Variants in RNLS observed in about 807,000 individuals in gnomAD.
RNLS encodes the protein renalase, FAD dependent amine oxidase, also known as renalase.
A neutral mutation model predicts 39.8 loss-of-function variants in RNLS; 39 were observed. That is an observed-to-expected ratio of 0.98 (90% CI 0.76 to 1.28). The LOEUF (loss-of-function observed/expected upper bound fraction) is 1.28. Ranked by LOEUF, RNLS falls within the 50% of genes most tolerant of loss-of-function variation. RNLS has a pLI of 0.00. For missense variants in RNLS, 410 were observed against 413.3 expected (o/e 0.99, Z 0.07); for synonymous variants, 147 against 150.7 (o/e 0.98, Z 0.18).
intron 4 of RNLS, among the ~76,000 whole-genome samples, chr10:88,512,111 T>C (rs1316978053): frequency 6.6e-6 from 1 of 152,200 alleles, no homozygotes; most frequent in African/African-American, 2.4e-5. Flanking sequence ...ATTTTGCTAG[T>C]AAATAACATA....
At position 88,362,569 on chromosome 10, in the gene RNLS, T is replaced by C; in HGVS notation, c.683A>G (p.Asn228Ser). 4 of 1,613,778 alleles carry C rather than the reference T, an allele frequency of 2.5e-6. No homozygotes were observed. Among genetic ancestry groups the C allele is most frequent in the Non-Finnish European group, 3.4e-6 (4 of 1,179,814 alleles). The change falls in exon 5 of 7, where the codon AAT (asparagine) becomes AGT (serine). Residue 228 changes from asparagine (N) to serine (S), a missense_variant. Asn to Ser is a conservative substitution (Grantham distance 46). Coordinates refer to ENST00000331772, the MANE Select transcript of RNLS (RefSeq NM_001031709.3). ...GTACTGACCTATATTGCGCTTCTTA[T>C]TATCAATGGAGACGAAGCGTATGCA... ...NPCIRFVSID[N>S]KKRNIESSEI...
Position 88,494,365 on chromosome 10 carries a change from C to T in RNLS, c.526+78538G>A, listed in dbSNP as rs1048776925. The stretch of plus-strand genomic sequence containing the variant: ...ACATTTTCTTCAGTCATGCCATGAA[C>T]AAGTCTCTCTTCTGGGCCAGTGGGG... On this transcript the variant is annotated intron_variant, in intron 4 of 6. Transcript: ENST00000331772. Among the ~76,000 whole-genome samples, 4 of 152,084 alleles carry T rather than the reference C, an allele frequency of 2.6e-5. No homozygotes were observed. The East Asian group carries it at 5.8e-4, about 22-fold the overall frequency.
chr10:88,398,020 T>G lies in RNLS; in HGVS notation c.527-35295A>C, dbSNP rs371175848. Among the ~76,000 whole-genome samples, 14 of 152,182 alleles carry G rather than the reference T, an allele frequency of 9.2e-5. No individual in the cohort carries two copies. The South Asian group carries it at 2.9e-3, about 31-fold the overall frequency. On this transcript the variant is annotated intron_variant, in intron 4 of 6. Transcript: ENST00000331772. ...TTTTGACAAATGGTTCTGGGGCAAC[T>G]GGATATCTACATAAAAAAGAATGAA...
At chr10:88,268,718 A>T in the RNLS span, among the ~76,000 whole-genome samples, 1 of 152,202 alleles carries the variant, frequency 6.6e-6, no homozygotes, top group Non-Finnish European at 1.5e-5. Context: ...GGACCCTGGC[A>T]GCTCTAGACT....
intron 4 of RNLS, among the ~76,000 whole-genome samples, chr10:88,410,383 T>C (rs1853580347): frequency 6.6e-6 from 1 of 152,112 alleles, no homozygotes. Context: ...TAAAACTTGA[T>C]TTTGGACCAT....
chr10:88,423,666 G>A (rs1009106967), intron 4 of RNLS, among the ~76,000 whole-genome samples: 1 of 152,176 alleles, frequency 6.6e-6, no homozygotes, highest in Non-Finnish European at 1.5e-5. Flanking sequence ...TTTATAAAAA[G>A]CTGACTATAT....
the RNLS span, among the ~76,000 whole-genome samples, chr10:88,201,973 A>G: frequency 5.3e-5 from 8 of 152,168 alleles, no homozygotes; most frequent in African/African-American, 1.9e-4. Flanking sequence ...GTGTTTTTAC[A>G]TGCTACTATA....
chr10:88,495,408 A>G (rs1845109372), intron 4 of RNLS, among the ~76,000 whole-genome samples: 1 of 152,150 alleles, frequency 6.6e-6, no homozygotes, highest in Admixed American at 6.6e-5. Flanking sequence ...CTTTGGGTCT[A>G]TAACTCTTAT....
Position 88,469,822 on chromosome 10 carries a change from C to CGTGTGT in RNLS, c.526+103075_526+103080dup, listed in dbSNP as rs199651876. Among the ~76,000 whole-genome samples, 1,125 of 138,188 alleles carry CGTGTGT rather than the reference C, an allele frequency of 8.1e-3. 13 individuals are homozygous for CGTGTGT. Among genetic ancestry groups the CGTGTGT allele is most frequent in the African/African-American group, 0.027 (954 of 35,786 alleles). The allele number at this position is 138,188 out of a possible 152,430, so 90.7% of individuals were successfully genotyped here. On this transcript the variant is annotated intron_variant, in intron 4 of 6. Transcript: ENST00000331772. Reference sequence around the variant, plus strand: ...ATGGGTCAATATTTTTATGTGTGTGCGTGTGTGTGTGTGTGTGTGTGTGTG... The same window carrying CGTGTGT: ...ATGGGTCAATATTTTTATGTGTGTGCGTGTGTGTGTGTGTGTGTGTGTGTGTGTGTG...
Position 88,583,154 on chromosome 10 carries a change from C to G in RNLS, c.37G>C (p.Gly13Arg). The change falls in exon 1 of 7, where the codon GGA (glycine) becomes CGA (arginine). Residue 13 changes from glycine to arginine, a missense_variant. Gly to Arg is a moderately radical substitution (Grantham distance 125). Transcript: ENST00000331772. ...CTCAGCAGCGCAGCGCACAAGCTTC[C>G]TGTCATCCCGGCGCCCACGATCAGC... is the stretch of plus-strand genomic sequence containing the variant. Reference protein sequence around the residue: ...QVLIVGAGMTGSLCAALLRRQ... With the variant: ...QVLIVGAGMTRSLCAALLRRQ... 4.3e-6 allele frequency: 7 copies of G among 1,614,062 alleles called. No individual in the cohort carries two copies. In the South Asian group the frequency reaches 7.7e-5, roughly 18 times the overall value.
At chr10:88,297,568 T>C (rs534630391) in intron 6 of RNLS, among the ~76,000 whole-genome samples, 1 of 152,316 alleles carries the variant, frequency 6.6e-6, no homozygotes, top group South Asian at 2.1e-4. Context: ...ATACTGCATG[T>C]TTCATATGAA....
intron 4 of RNLS, among the ~76,000 whole-genome samples, chr10:88,399,720 A>G (rs553689877): frequency 6.6e-6 from 1 of 152,174 alleles, no homozygotes; most frequent in East Asian, 1.9e-4. Flanking sequence ...CTGTGAATAC[A>G]TAAGGGTGAT....
At chr10:88,530,283 T>C (rs1295359750) in intron 4 of RNLS, among the ~76,000 whole-genome samples, 1 of 152,214 alleles carries the variant, frequency 6.6e-6, no homozygotes, top group Non-Finnish European at 1.5e-5. Flanking sequence ...TACCAAAGTA[T>C]CTGCAATAGA....
chr10:88,427,011 A>T (rs1407463379), intron 4 of RNLS, among the ~76,000 whole-genome samples: 1 of 152,072 alleles, frequency 6.6e-6, no homozygotes, highest in Non-Finnish European at 1.5e-5. Context: ...GTAACTAATA[A>T]AAACAGTATC....
the RNLS span, among the ~76,000 whole-genome samples, chr10:88,182,541 CA>C: frequency 6.6e-6 from 1 of 152,066 alleles, no homozygotes; most frequent in Non-Finnish European, 1.5e-5. Context: ...ATTCACTTTA[CA>C]AAAATACCCA....
intron 5 of RNLS, among the ~76,000 whole-genome samples, chr10:88,324,866 T>C (rs773101008): frequency 6.6e-6 from 1 of 152,220 alleles, no homozygotes; most frequent in Non-Finnish European, 1.5e-5. Flanking sequence ...ATTTGACTAC[T>C]CTAGGCACCT....
chr10:88,279,438 T>C (rs1340837360), downstream of RNLS, among the ~76,000 whole-genome samples: 1 of 152,138 alleles, frequency 6.6e-6, no homozygotes, highest in African/African-American at 2.4e-5. Context: ...TAGGTAAAAT[T>C]GTATCCACAT....
chr10:88,184,211 T>C, the RNLS span, among the ~76,000 whole-genome samples: 2 of 152,164 alleles, frequency 1.3e-5, no homozygotes, highest in East Asian at 1.9e-4. Flanking sequence ...TTTTCTTCTC[T>C]ACTCACTCAA....
At chr10:88,543,505 G>A (rs1564886253) in intron 4 of RNLS, among the ~76,000 whole-genome samples, 1 of 152,034 alleles carries the variant, frequency 6.6e-6, no homozygotes, top group South Asian at 2.1e-4. Flanking sequence ...GAACCAATGG[G>A]CTGTCTAGTT....
Sources: gnomAD v4.1 joint callset for allele counts (sites outside exome capture counted in the v4.1 genomes callset) on GRCh38, gnomAD v4.1.1 for gene constraint, MANE v1.5 for transcripts, NCBI Gene and HGNC (gene_info 2026-07-23, HGNC 2026-07-21) for gene names.